MAML2: variants seen among roughly 807,000 people sequenced by gnomAD.
The protein encoded by MAML2 is mastermind like transcriptional coactivator 2.
Under a neutral mutation model 96.1 loss-of-function variants are expected in MAML2, and 22 were observed. The ratio of observed to expected loss-of-function variants is 0.23; its 90% CI spans 0.16 to 0.33. The LOEUF (loss-of-function observed/expected upper bound fraction) is 0.33. Among genes scored for constraint, MAML2 ranks in the 10% least tolerant of loss-of-function variants. The pLI, the probability that MAML2 is intolerant of heterozygous loss-of-function variation, is 1.00. For missense variants in MAML2, 1,367 were observed against 1,392.4 expected (o/e 0.98, Z 0.29); for synonymous variants, 561 against 521.3 (o/e 1.08, Z -1.04).
intron 1 of MAML2, among the ~76,000 whole-genome samples, chr11:96,218,817 T>A (rs1862088566): frequency 6.6e-6 from 1 of 152,238 alleles, no homozygotes; most frequent in Admixed American, 6.5e-5. Context: ...AAGTTATAAG[T>A]ATGTCCCATG....
intron 1 of MAML2, among the ~76,000 whole-genome samples, chr11:96,144,621 G>T (rs1415361090): frequency 6.6e-6 from 1 of 152,142 alleles, no homozygotes; most frequent in African/African-American, 2.4e-5. Flanking sequence ...TCTGATGAAT[G>T]GCTCTGTTTT....
intron 1 of MAML2, among the ~76,000 whole-genome samples, chr11:96,102,902 G>A (rs1859958138): frequency 1.3e-5 from 2 of 152,132 alleles, no homozygotes; most frequent in African/African-American, 2.4e-5. Context: ...AAAATATATC[G>A]AAGCAAATCC....
intron 2 of MAML2, among the ~76,000 whole-genome samples, chr11:96,042,992 C>T (rs928661192): frequency 2.6e-5 from 4 of 152,012 alleles, no homozygotes; most frequent in South Asian, 2.1e-4. Context: ...GTGATCTTCC[C>T]GCCTTAGCCT....
At chr11:96,301,907 G>A (rs1863392108) in intron 1 of MAML2, among the ~76,000 whole-genome samples, 1 of 152,170 alleles carries the variant, frequency 6.6e-6, no homozygotes, top group South Asian at 2.1e-4. Flanking sequence ...GAACTTACCA[G>A]TTGCATTTTG....
At chr11:96,288,560 A>C (rs1863169985) in intron 1 of MAML2, among the ~76,000 whole-genome samples, 1 of 151,622 alleles carries the variant, frequency 6.6e-6, no homozygotes, top group African/African-American at 2.4e-5. Context: ...AAAAAAAAAA[A>C]ACAACCAAAA....
At chr11:95,981,169 A>G (rs1857730419) in intron 4 of MAML2, among the ~76,000 whole-genome samples, 1 of 152,102 alleles carries the variant, frequency 6.6e-6, no homozygotes, top group African/African-American at 2.4e-5. Context: ...ATTTTTCCTC[A>G]TCCTTCCATG....
At chr11:96,114,468 A>G (rs1336886416) in intron 1 of MAML2, among the ~76,000 whole-genome samples, 1 of 151,954 alleles carries the variant, frequency 6.6e-6, no homozygotes, top group African/African-American at 2.4e-5. Flanking sequence ...ATGCAAATCC[A>G]CCCCACCTAT....
intron 1 of MAML2, among the ~76,000 whole-genome samples, chr11:96,263,563 G>T (rs1412914948): frequency 1.3e-5 from 2 of 152,186 alleles, no homozygotes; most frequent in African/African-American, 4.8e-5. Flanking sequence ...TGAAAGATAA[G>T]AATTTAAGAG....
chr11:96,119,981 G>A (rs968824992), intron 1 of MAML2, among the ~76,000 whole-genome samples: 3 of 131,670 alleles, frequency 2.3e-5, no homozygotes, highest in Non-Finnish European at 4.8e-5. Context: ...TTTTTGAGAC[G>A]GAGTCTCACT....
At chr11:96,337,389 G>A (rs1289356495) in intron 1 of MAML2, among the ~76,000 whole-genome samples, 1 of 152,194 alleles carries the variant, frequency 6.6e-6, no homozygotes, top group African/African-American at 2.4e-5. Context: ...GATTTAACTT[G>A]TTTGACTTTC....
At chr11:96,243,340 T>G (rs1862463081) in intron 1 of MAML2, among the ~76,000 whole-genome samples, 1 of 152,172 alleles carries the variant, frequency 6.6e-6, no homozygotes, top group Non-Finnish European at 1.5e-5. Context: ...CGGGGTTGGC[T>G]GTCGGGAATT....
In MAML2 at chr11:96,135,862, CAAAA is replaced by C. The variant is rs10533557; in HGVS notation, c.514-42349_514-42346del. On this transcript the variant is annotated intron_variant, in intron 1 of 4. Transcript: ENST00000524717. Reference sequence around the variant, plus strand: ...TGGGCAACAGAGTGAGACACCATCTCAAAAAAAAAAAAAAAAATTATATTGAAAT... The same window carrying C: ...TGGGCAACAGAGTGAGACACCATCTCAAAAAAAAAAAAATTATATTGAAAT... Among the ~76,000 whole-genome samples, 209 of 141,030 alleles carry C rather than the reference CAAAA, an allele frequency of 1.5e-3. 3 individuals carry two copies. The highest frequency in any genetic ancestry group is 0.015 in the South Asian group (65 of 4,454). 92.5% of individuals were successfully genotyped at this position (141,030 alleles called of 152,430 possible).
chr11:96,180,940 T>G (rs1591058756), intron 1 of MAML2, among the ~76,000 whole-genome samples: 1 of 138,638 alleles, frequency 7.2e-6, no homozygotes, highest in Non-Finnish European at 1.5e-5. Flanking sequence ...GGAGTGGGGG[T>G]CACAAGGTGC....
chr11:96,113,382 A>G (rs1860166868), intron 1 of MAML2, among the ~76,000 whole-genome samples: 1 of 152,132 alleles, frequency 6.6e-6, no homozygotes, highest in Admixed American at 6.5e-5. Flanking sequence ...GCCCTTAGGC[A>G]GACATATTAA....
chr11:96,342,111 G>A lies in MAML2; in HGVS notation c.-216C>T. 1.8e-6 allele frequency: 1 copy of A among 550,430 alleles called. No homozygotes were observed. Among genetic ancestry groups the A allele is most frequent in the Non-Finnish European group, 3.2e-6 (1 of 311,878 alleles). 34.1% of individuals were successfully genotyped at this position (550,430 alleles called of 1,614,324 possible). A position where few individuals can be genotyped will look rare whatever the true frequency, so the allele number is the denominator to read the frequency against. On this transcript the variant is annotated 5_prime_UTR_variant, in exon 1 of 5. Transcript: ENST00000524717. ...GAGAAAGAATAGAAACCAACTGGGG[G>A]GAGGATAAGTTGGAAACAAACCCTG...
In MAML2 at chr11:96,023,997, C is replaced by G. The variant is rs554487946; in HGVS notation, c.2140-32274G>C. Reference sequence around the variant, plus strand: ...TGCAAACCTTCTCAGTTGTCTAGGTCTGGAGAAAGTTAAGATATAAGATGA... The same window carrying G: ...TGCAAACCTTCTCAGTTGTCTAGGTGTGGAGAAAGTTAAGATATAAGATGA... On this transcript the variant is annotated intron_variant, in intron 2 of 4. Coordinates refer to ENST00000524717, the MANE Select transcript of MAML2 (RefSeq NM_032427.4). 2.6e-5 allele frequency among the ~76,000 whole-genome samples: 4 copies of G among 152,180 alleles called. No homozygotes were observed. In the South Asian group the frequency reaches 8.3e-4, roughly 32 times the overall value.
In MAML2 at chr11:95,979,102, A is replaced by T; in HGVS notation, c.3317T>A (p.Leu1106Ter). The T allele has an allele frequency of 6.2e-7, 1 of 1,614,008 alleles. No homozygotes were observed. Among genetic ancestry groups the T allele is most frequent in the Non-Finnish European group, 8.5e-7 (1 of 1,179,888 alleles). ...TTGTTGGCTGAGGAAGTCAAAAGCT[A>T]AGTCACTGCTGTGGTCAGTTCCTTG... ...AFQGTDHSSD[L>*]AFDFLSQQND... Residue 1106 changes from leucine to a stop codon, truncating the protein, a stop_gained, in exon 5 of 5, where the codon TTA (leucine) becomes TAA (stop). Transcript: ENST00000524717. LOFTEE classifies it high-confidence loss of function.
At chr11:96,264,625 C>T (rs1042574856) in intron 1 of MAML2, among the ~76,000 whole-genome samples, 4 of 152,154 alleles carry the variant, frequency 2.6e-5, no homozygotes, top group African/African-American at 9.7e-5. Flanking sequence ...TGGAATGTCT[C>T]CTCATCCACT....
At chr11:96,085,591 T>G in intron 2 of MAML2, among the ~76,000 whole-genome samples, 1 of 152,214 alleles carries the variant, frequency 6.6e-6, no homozygotes, top group Non-Finnish European at 1.5e-5. Flanking sequence ...CCTCTTGCAT[T>G]TCCATCTCCA....
Sources: gnomAD v4.1 joint callset for allele counts (sites outside exome capture counted in the v4.1 genomes callset) on GRCh38, gnomAD v4.1.1 for gene constraint, MANE v1.5 for transcripts, NCBI Gene and HGNC (gene_info 2026-07-23, HGNC 2026-07-21) for gene names.